The following ZBBX variants were observed in gnomAD, a reference collection of about 807,000 sequenced individuals.
ZBBX encodes zinc finger B-box domain containing, also known as zinc finger B-box domain-containing protein 1.
ZBBX carries 101 observed loss-of-function variants against 108.5 expected under a neutral mutation model. The observed-to-expected ratio is 0.93, with a 90% confidence interval of 0.79 to 1.10. ZBBX has a LOEUF of 1.10. ZBBX is among the 50% of genes least tolerant of loss of function. The probability of loss-of-function intolerance (pLI) is 0.00; values close to 1 mark genes in which losing one functional copy is unlikely to be tolerated. For synonymous variants in ZBBX, 356 were observed against 323.4 expected, an observed-to-expected ratio of 1.10 and a Z score of -1.08; for missense variants, 1,009 against 941.4, an observed-to-expected ratio of 1.07 and a Z score of -0.94.
chr3:167,271,778 C>A (rs1261862935), intron 20 of ZBBX, among the ~76,000 whole-genome samples: 1 of 152,186 alleles, frequency 6.6e-6, no homozygotes, highest in East Asian at 1.9e-4. Flanking sequence ...TTCAGAGTGA[C>A]TACACGGAAA....
intron 17 of ZBBX, among the ~76,000 whole-genome samples, chr3:167,300,470 C>G (rs1046622337): frequency 1.3e-5 from 2 of 152,136 alleles, no homozygotes; most frequent in African/African-American, 4.8e-5. Flanking sequence ...AACACTCATT[C>G]AGATTGTTTC....
chr3:167,305,832 A>C lies in ZBBX; in HGVS notation c.1536T>G (p.Gly512=), dbSNP rs2108230189. The change falls in exon 17 of 22, where the codon GGT becomes GGG. Residue 512 remains glycine (G), a synonymous_variant. Transcript: ENST00000675490. The part of the protein sequence containing the change: ...FERNLKEKNI[G]LESNQKSDDS... ...CATCAGACTTTTGATTACTTTCTAA[A>C]CCTATATTTTTCTCCTTTAAATTTC... The C allele has an allele frequency of 6.2e-7, 1 of 1,611,852 alleles. No homozygotes were observed. The highest frequency in any genetic ancestry group is 8.5e-7 in the Non-Finnish European group (1 of 1,179,086).
At chr3:167,354,133 T>C (rs1743139471) in intron 8 of ZBBX, among the ~76,000 whole-genome samples, 1 of 151,938 alleles carries the variant, frequency 6.6e-6, no homozygotes, top group African/African-American at 2.4e-5. Context: ...ACAAACCTAT[T>C]TTATAATAAA....
At chr3:167,317,667 GATTT>G in intron 12 of ZBBX, 70 bp from the exon 13 acceptor site, 1 of 986,440 alleles carries the variant, frequency 1.0e-6, no homozygotes, top group African/African-American at 1.7e-5. Context: ...ACAAGCTCTT[GATTT>G]ATTTATCAAA....
At chr3:167,374,153 G>A (rs1277463125) in intron 2 of ZBBX, among the ~76,000 whole-genome samples, 2 of 151,732 alleles carry the variant, frequency 1.3e-5, no homozygotes, top group Admixed American at 1.3e-4. Flanking sequence ...ATATATATAT[G>A]GTTATATAAA....
chr3:167,335,642 A>G (rs926347131), intron 9 of ZBBX, among the ~76,000 whole-genome samples: 1 of 151,104 alleles, frequency 6.6e-6, no homozygotes, highest in African/African-American at 2.4e-5. Context: ...TCTAGTTGCC[A>G]ATTTAGATAG....
At chr3:167,375,452 C>T (rs564206645) in intron 2 of ZBBX, among the ~76,000 whole-genome samples, 240 of 151,940 alleles carry the variant, frequency 1.6e-3, no homozygotes, top group African/African-American at 5.6e-3. Context: ...ATTAGCCAGG[C>T]GTGGTGGCAT....
intron 9 of ZBBX, among the ~76,000 whole-genome samples, chr3:167,335,428 G>A (rs1176022762): frequency 6.6e-6 from 1 of 152,070 alleles, no homozygotes; most frequent in Admixed American, 6.6e-5. Context: ...GGGACTGCAG[G>A]ATTTAGGATC....
intron 11 of ZBBX, among the ~76,000 whole-genome samples, chr3:167,326,274 A>C (rs1269249578): frequency 6.6e-6 from 1 of 152,142 alleles, no homozygotes; most frequent in Non-Finnish European, 1.5e-5. Context: ...GTTAACTAAT[A>C]GTATTTAGTG....
intron 20 of ZBBX, among the ~76,000 whole-genome samples, chr3:167,261,185 C>CTAT (rs1724445218): frequency 6.6e-6 from 1 of 152,160 alleles, no homozygotes; most frequent in African/African-American, 2.4e-5. Flanking sequence ...TGTGAACCAT[C>CTAT]TATGGGTCTC....
the ZBBX span, among the ~76,000 whole-genome samples, chr3:167,231,416 C>T: frequency 1.3e-5 from 2 of 151,578 alleles, no homozygotes; most frequent in African/African-American, 2.4e-5. Context: ...ACAGACTGGT[C>T]GACCACTTTA....
chr3:167,276,550 A>G (rs1398355109), intron 20 of ZBBX, among the ~76,000 whole-genome samples: 2 of 152,170 alleles, frequency 1.3e-5, no homozygotes, highest in African/African-American at 4.8e-5. Context: ...GAGAAAAAAG[A>G]ATAAAAAGAA....
intron 10 of ZBBX, among the ~76,000 whole-genome samples, chr3:167,331,403 G>C (rs1002615135): frequency 1.3e-5 from 2 of 152,136 alleles, no homozygotes; most frequent in Non-Finnish European, 1.5e-5. Context: ...GTGTATGTAT[G>C]TATACATGCT....
the ZBBX span, among the ~76,000 whole-genome samples, chr3:167,203,870 C>A: frequency 2.6e-5 from 4 of 152,150 alleles, no homozygotes; most frequent in African/African-American, 9.6e-5. Flanking sequence ...ACCCGTAAAG[C>A]ATTCAGTTGC....
chr3:167,332,360 G>A (rs1007421179), intron 10 of ZBBX, among the ~76,000 whole-genome samples: 2 of 151,770 alleles, frequency 1.3e-5, no homozygotes, highest in African/African-American at 4.8e-5. Flanking sequence ...TTTCTTTAAT[G>A]TTTCTCTAGT....
chr3:167,348,460 AAAG>A (rs1185104527), intron 9 of ZBBX, among the ~76,000 whole-genome samples: 40 of 125,938 alleles, frequency 3.2e-4, no homozygotes, highest in African/African-American at 1.2e-3. Flanking sequence ...GAGAAAGAGG[AAAG>A]AAAGAAAGAG....
intron 20 of ZBBX, among the ~76,000 whole-genome samples, chr3:167,272,512 C>A (rs1726710622): frequency 6.6e-6 from 1 of 152,174 alleles, no homozygotes; most frequent in Non-Finnish European, 1.5e-5. Flanking sequence ...CAAGAAAGCA[C>A]CGTCCACCCC....
intron 6 of ZBBX, among the ~76,000 whole-genome samples, chr3:167,363,906 T>G (rs1577095028): frequency 6.6e-6 from 1 of 152,212 alleles, no homozygotes; most frequent in Non-Finnish European, 1.5e-5. Flanking sequence ...ATGTAATGTT[T>G]AGGTATCATT....
the ZBBX span, among the ~76,000 whole-genome samples, chr3:167,217,915 G>A: frequency 7.1e-6 from 1 of 139,960 alleles, no homozygotes; most frequent in Non-Finnish European, 1.5e-5. Context: ...TTTTGAGATA[G>A]AGTCTCGCTC....
Sources: gnomAD v4.1 joint callset for allele counts (sites outside exome capture counted in the v4.1 genomes callset) on GRCh38, gnomAD v4.1.1 for gene constraint, MANE v1.5 for transcripts, NCBI Gene and HGNC (gene_info 2026-07-23, HGNC 2026-07-21) for gene names.